Variants in MTSS1 observed in about 807,000 individuals in gnomAD.
MTSS1 encodes protein MTSS 1.
MTSS1 carries 18 observed loss-of-function variants against 79.0 expected under a neutral mutation model. The observed-to-expected ratio is 0.23, with a 90% CI of 0.16 to 0.34. MTSS1 has a LOEUF of 0.34. MTSS1 is among the 10% of genes least tolerant of loss of function. The pLI, the probability that MTSS1 is intolerant of heterozygous loss-of-function variation, is 1.00. For synonymous variants in MTSS1, 341 were observed against 368.6 expected, an observed-to-expected ratio of 0.93 and a Z score of 0.86; for missense variants, 815 against 986.2, an observed-to-expected ratio of 0.83 and a Z score of 2.33.
intron 1 of MTSS1, among the ~76,000 whole-genome samples, chr8:124,716,063 G>A (rs1475916640): frequency 2.6e-5 from 4 of 152,220 alleles, no homozygotes; most frequent in East Asian, 1.9e-4. Context: ...CCTACTATGC[G>A]CAGGCACTGA....
intron 3 of MTSS1, among the ~76,000 whole-genome samples, chr8:124,685,018 A>G (rs2382992): frequency 0.59 from 89,221 of 151,984 alleles, 26,343 homozygotes; most frequent in African/African-American, 0.61. Flanking sequence ...AATGAGTATG[A>G]GATTTTTGTG....
At chr8:124,623,643 GT>G (rs1814053993) in intron 3 of MTSS1, among the ~76,000 whole-genome samples, 1 of 152,122 alleles carries the variant, frequency 6.6e-6, no homozygotes, top group South Asian at 2.1e-4. Flanking sequence ...TTGTTTGTTT[GT>G]TTGTTTTGAG....
At chr8:124,678,707 T>C (rs1825691490) in intron 3 of MTSS1, among the ~76,000 whole-genome samples, 1 of 152,176 alleles carries the variant, frequency 6.6e-6, no homozygotes, top group South Asian at 2.1e-4. Context: ...CAAGATGAGA[T>C]TTGGGTGGGG....
intron 3 of MTSS1, among the ~76,000 whole-genome samples, chr8:124,620,604 T>G (rs1263063378): frequency 6.6e-6 from 1 of 152,068 alleles, no homozygotes; most frequent in Non-Finnish European, 1.5e-5. Context: ...TCCCATCAAA[T>G]GGTACAAGCA....
At position 124,571,459 on chromosome 8, in the gene MTSS1, T is replaced by C. The variant is rs192573498; in HGVS notation, c.461-2923A>G. 3.0e-3 allele frequency among the ~76,000 whole-genome samples: 452 copies of C among 152,296 alleles called. 3 individuals are homozygous for C. Among genetic ancestry groups the C allele is most frequent in the Non-Finnish European group, 3.3e-3 (223 of 68,024 alleles). Reference sequence around the variant, plus strand: ...CAATTGTGGGCCTTGTTGGGTCACATGACTCAGGGCTGGTCTAGAGGGCTA... The same window carrying C: ...CAATTGTGGGCCTTGTTGGGTCACACGACTCAGGGCTGGTCTAGAGGGCTA... On this transcript the variant is annotated intron_variant, in intron 6 of 13. Coordinates refer to ENST00000518547, the MANE Select transcript of MTSS1 (RefSeq NM_014751.6).
chr8:124,669,932 ACATT>A, intron 3 of MTSS1, among the ~76,000 whole-genome samples: 1 of 152,306 alleles, frequency 6.6e-6, no homozygotes, highest in South Asian at 2.1e-4. Flanking sequence ...GGCTATTTTA[ACATT>A]CATTCATGTA....
At position 124,582,610 on chromosome 8, in the gene MTSS1, C is replaced by T. The variant is rs537145893; in HGVS notation, c.460+2477G>A. 7.9e-5 allele frequency among the ~76,000 whole-genome samples: 12 copies of T among 151,632 alleles called. No homozygotes were observed. The highest frequency in any genetic ancestry group is 1.3e-4 in the Non-Finnish European group (9 of 67,760). Reference sequence around the variant, plus strand: ...TTATCTGGCTGCATACATCAGATTCCGTCTATCAGGACAAAAAAAAAAATG... The same window carrying T: ...TTATCTGGCTGCATACATCAGATTCTGTCTATCAGGACAAAAAAAAAAATG... On this transcript the variant is annotated intron_variant, in intron 6 of 13. Coordinates refer to ENST00000518547, the MANE Select transcript of MTSS1 (RefSeq NM_014751.6). The surrounding 1 kb of genome is among the most constrained non-coding windows in gnomAD (Gnocchi z 4.8).
intron 3 of MTSS1, among the ~76,000 whole-genome samples, chr8:124,647,387 G>C (rs1819186871): frequency 6.6e-6 from 1 of 152,156 alleles, no homozygotes; most frequent in South Asian, 2.1e-4. Context: ...TGTGTTAACA[G>C]TATACATGCT....
At chr8:124,603,615 T>C (rs1834300420) in intron 3 of MTSS1, among the ~76,000 whole-genome samples, 1 of 152,158 alleles carries the variant, frequency 6.6e-6, no homozygotes, top group Non-Finnish European at 1.5e-5. Context: ...GTGGCATCAT[T>C]TGATGCCCTA....
chr8:124,632,962 C>A (rs1460358377), intron 3 of MTSS1, among the ~76,000 whole-genome samples: 5 of 152,070 alleles, frequency 3.3e-5, no homozygotes, highest in Admixed American at 6.5e-5. Flanking sequence ...GCCACCACAC[C>A]CGGCCTCAAT....
intron 9 of MTSS1, chr8:124,563,281 G>T: frequency 4.7e-6 from 2 of 423,278 alleles, no homozygotes; most frequent in South Asian, 2.4e-5. Flanking sequence ...TACGAGGGAG[G>T]TCTGGGGTTC....
intron 3 of MTSS1, among the ~76,000 whole-genome samples, chr8:124,637,676 G>A (rs1479500789): frequency 6.6e-6 from 1 of 152,190 alleles, no homozygotes; most frequent in Non-Finnish European, 1.5e-5. Flanking sequence ...TAGAAGGGGT[G>A]GAATTTATGT....
intron 7 of MTSS1, chr8:124,567,753 C>T: frequency 6.6e-7 from 1 of 1,523,308 alleles, no homozygotes; most frequent in Non-Finnish European, 8.8e-7. Flanking sequence ...CTAGAACGAT[C>T]CATGGAAAAG....
chr8:124,660,564 A>G (rs1183591309), intron 3 of MTSS1, among the ~76,000 whole-genome samples: 1 of 152,106 alleles, frequency 6.6e-6, no homozygotes, highest in Non-Finnish European at 1.5e-5. Flanking sequence ...CGCCTCCAAC[A>G]GAAGAGGAAG....
At chr8:124,692,624 C>T (rs568252257) in intron 3 of MTSS1, among the ~76,000 whole-genome samples, 1 of 152,288 alleles carries the variant, frequency 6.6e-6, no homozygotes, top group South Asian at 2.1e-4. Flanking sequence ...CTCCTCCACT[C>T]CATCCATGAA....
intron 3 of MTSS1, among the ~76,000 whole-genome samples, chr8:124,696,267 G>A (rs1327161024): frequency 1.3e-5 from 2 of 152,126 alleles, no homozygotes; most frequent in East Asian, 3.9e-4. Flanking sequence ...GATTACAGGT[G>A]TGAGCCACTG....
At chr8:124,626,192 G>A (rs890783906) in intron 3 of MTSS1, among the ~76,000 whole-genome samples, 3 of 152,236 alleles carry the variant, frequency 2.0e-5, no homozygotes, top group African/African-American at 7.2e-5. Flanking sequence ...GAAGTTGCAG[G>A]TATGCAGGTC....
At chr8:124,714,056 T>C (rs914612449) in intron 1 of MTSS1, among the ~76,000 whole-genome samples, 4 of 152,186 alleles carry the variant, frequency 2.6e-5, no homozygotes, top group African/African-American at 9.6e-5. Context: ...GCCATGACAT[T>C]TCCTTTATGA....
intron 6 of MTSS1, among the ~76,000 whole-genome samples, chr8:124,569,005 C>G (rs929387479): frequency 2.6e-5 from 4 of 152,226 alleles, no homozygotes; most frequent in Non-Finnish European, 5.9e-5. Flanking sequence ...ATAGAAGGAT[C>G]TGCTCCTAAA....
Sources: allele counts gnomAD v4.1 joint callset (sites outside exome capture counted in the v4.1 genomes callset), GRCh38; gene constraint gnomAD v4.1.1; non-coding constraint Gnocchi (gnomAD v3.1); transcripts MANE v1.5; gene names NCBI Gene and HGNC (gene_info 2026-07-23, HGNC 2026-07-21).